The following SYTL3 variants were observed in gnomAD, a reference collection of about 807,000 sequenced individuals.
The protein encoded by SYTL3 is synaptotagmin-like protein 3.
A neutral mutation model predicts 82.1 loss-of-function variants in SYTL3; 88 were observed. The observed-to-expected ratio is 1.07, with a 90% CI of 0.90 to 1.28. The LOEUF (loss-of-function observed/expected upper bound fraction) is 1.28. Among genes scored for constraint, SYTL3 ranks in the 50% most tolerant of loss-of-function variants. SYTL3 has a pLI of 0.00. For missense variants in SYTL3, 831 were observed against 757.6 expected (o/e 1.10, Z -1.14); for synonymous variants, 311 against 289.4 (o/e 1.07, Z -0.76).
intron 5 of SYTL3, among the ~76,000 whole-genome samples, chr6:158,675,337 G>A (rs1400992691): frequency 6.6e-6 from 1 of 152,160 alleles, no homozygotes; most frequent in Non-Finnish European, 1.5e-5. Flanking sequence ...GTTGGTAACA[G>A]CTTGATAAAA....
At chr6:158,649,207 C>A (rs1787722214), upstream of SYTL3, among the ~76,000 whole-genome samples, 1 of 152,248 alleles carries the variant, frequency 6.6e-6, no homozygotes, top group Non-Finnish European at 1.5e-5. Flanking sequence ...CACACTACAT[C>A]AGCAGAATAG....
chr6:158,726,745 TG>T, intron 11 of SYTL3: 2 of 214,166 alleles, frequency 9.3e-6, no homozygotes, highest in Non-Finnish European at 9.7e-6. Flanking sequence ...ACACAAGGCC[TG>T]GGATCTTTGA....
intron 6 of SYTL3, among the ~76,000 whole-genome samples, chr6:158,698,478 A>AT (rs1437950942): frequency 1.3e-5 from 2 of 150,982 alleles, no homozygotes; most frequent in East Asian, 1.9e-4. Context: ...ATGCTGAGGG[A>AT]TTTTTTTAGG....
chr6:158,661,881 T>C (rs976095675), intron 3 of SYTL3, among the ~76,000 whole-genome samples: 19 of 152,226 alleles, frequency 1.2e-4, no homozygotes, highest in Non-Finnish European at 2.5e-4. Context: ...ATCTTAATAT[T>C]TCATGCATCA....
At chr6:158,715,635 C>G (rs1308787811) in intron 9 of SYTL3, among the ~76,000 whole-genome samples, 7 of 43,812 alleles carry the variant, frequency 1.6e-4, no homozygotes, top group Non-Finnish European at 4.1e-4. Context: ...CCAGCACCCC[C>G]CATACCCCCC....
At chr6:158,660,122 G>T (rs935104753) in intron 2 of SYTL3, among the ~76,000 whole-genome samples, 5 of 152,038 alleles carry the variant, frequency 3.3e-5, no homozygotes, top group African/African-American at 1.2e-4. Flanking sequence ...AAAATTAGCC[G>T]GGCGTGGTGG....
intron 6 of SYTL3, among the ~76,000 whole-genome samples, chr6:158,684,858 G>C (rs1357051806): frequency 6.6e-6 from 1 of 150,458 alleles, no homozygotes; most frequent in African/African-American, 2.4e-5. Context: ...TTGGAAACCT[G>C]GAGGAAAAAA....
chr6:158,681,018 G>A (rs765460554), intron 5 of SYTL3, among the ~76,000 whole-genome samples: 7 of 152,166 alleles, frequency 4.6e-5, no homozygotes, highest in Non-Finnish European at 5.9e-5. Flanking sequence ...TTGAGTTCAT[G>A]TATAGCCTGA....
chr6:158,671,096 G>A (rs892948775), intron 5 of SYTL3, among the ~76,000 whole-genome samples: 5 of 152,054 alleles, frequency 3.3e-5, no homozygotes, highest in African/African-American at 9.7e-5. Context: ...GAGCCACGGC[G>A]CCCGGCCTAT....
At chr6:158,701,769 T>C (rs1220894860) in intron 6 of SYTL3, among the ~76,000 whole-genome samples, 1 of 151,832 alleles carries the variant, frequency 6.6e-6, no homozygotes, top group Non-Finnish European at 1.5e-5. Context: ...AAATGTATCA[T>C]CTCCCAGTTC....
intron 6 of SYTL3, among the ~76,000 whole-genome samples, chr6:158,700,644 T>A (rs1281703645): frequency 6.6e-6 from 1 of 152,122 alleles, no homozygotes; most frequent in Non-Finnish European, 1.5e-5. Flanking sequence ...TGAGACGGAG[T>A]CTTGCTCTGT....
intron 1 of SYTL3, among the ~76,000 whole-genome samples, chr6:158,651,261 TAAC>T (rs1325539036): frequency 6.6e-6 from 1 of 152,168 alleles, no homozygotes; most frequent in African/African-American, 2.4e-5. Context: ...ACAGAAAGCA[TAAC>T]AACAATTGTG....
At chr6:158,693,543 C>T (rs57792187) in intron 6 of SYTL3, among the ~76,000 whole-genome samples, 5,991 of 152,144 alleles carry the variant, frequency 0.039, 427 homozygotes, top group African/African-American at 0.14. Flanking sequence ...TGCCACTACA[C>T]CCAGCTGACT....
intron 5 of SYTL3, among the ~76,000 whole-genome samples, chr6:158,676,182 A>G (rs1485672260): frequency 5.3e-5 from 8 of 152,026 alleles, no homozygotes; most frequent in Admixed American, 2.6e-4. Flanking sequence ...AACCAAAACA[A>G]CATGGTACTG....
At chr6:158,730,413 A>T (rs1785250546) in intron 11 of SYTL3, among the ~76,000 whole-genome samples, 1 of 152,230 alleles carries the variant, frequency 6.6e-6, no homozygotes, top group Non-Finnish European at 1.5e-5. Flanking sequence ...CTAAATGCTA[A>T]TTTTTCCTTA....
intron 14 of SYTL3, among the ~76,000 whole-genome samples, chr6:158,758,695 C>T (rs1455600609): frequency 6.6e-6 from 1 of 152,122 alleles, no homozygotes; most frequent in Non-Finnish European, 1.5e-5. Context: ...TGTGCTGACT[C>T]CCCCAAGCTA....
chr6:158,695,930 T>C (rs1382440792), intron 6 of SYTL3, among the ~76,000 whole-genome samples: 2 of 152,256 alleles, frequency 1.3e-5, no homozygotes, highest in Non-Finnish European at 2.9e-5. Flanking sequence ...ATTCATCTGC[T>C]GATGGACATT....
At chr6:158,720,713 A>C (rs975849587) in intron 10 of SYTL3, among the ~76,000 whole-genome samples, 16 of 152,192 alleles carry the variant, frequency 1.1e-4, no homozygotes, top group African/African-American at 2.9e-4. Context: ...AGAGGTATTT[A>C]GCCTTTGTAA....
At chr6:158,700,860 C>T (rs971852559) in intron 6 of SYTL3, among the ~76,000 whole-genome samples, 6 of 152,274 alleles carry the variant, frequency 3.9e-5, no homozygotes, top group East Asian at 1.9e-4. Context: ...TCATGATCTG[C>T]CCTCCTTGGC....
Sources: gnomAD v4.1 joint callset for allele counts (sites outside exome capture counted in the v4.1 genomes callset) on GRCh38, gnomAD v4.1.1 for gene constraint, MANE v1.5 for transcripts, NCBI Gene and HGNC (gene_info 2026-07-23, HGNC 2026-07-21) for gene names.